Variants in RAPGEF4 observed in about 807,000 individuals in gnomAD.
The protein encoded by RAPGEF4 is Rap guanine nucleotide exchange factor 4, also known as RAP guanine-nucleotide-exchange factor (GEF) 4.
Under a neutral mutation model 147.9 loss-of-function variants are expected in RAPGEF4, and 66 were observed. The ratio of observed to expected loss-of-function variants is 0.45; its 90% CI spans 0.37 to 0.55. The LOEUF (loss-of-function observed/expected upper bound fraction) is 0.55. Among genes scored for constraint, RAPGEF4 ranks in the 20% least tolerant of loss-of-function variants. The pLI, the probability that RAPGEF4 is intolerant of heterozygous loss-of-function variation, is 0.00. For missense variants in RAPGEF4, 1,071 were observed against 1,257.3 expected (o/e 0.85, Z 2.24); for synonymous variants, 419 against 442.7 (o/e 0.95, Z 0.67).
At chr2:172,807,364 A>G (rs1687605108) in intron 3 of RAPGEF4, among the ~76,000 whole-genome samples, 1 of 152,220 alleles carries the variant, frequency 6.6e-6, no homozygotes, top group Non-Finnish European at 1.5e-5. Flanking sequence ...GGCTTGCCTG[A>G]TCTTGTTAAG....
chr2:172,785,948 C>T (rs989786539), intron 1 of RAPGEF4, among the ~76,000 whole-genome samples: 2 of 152,186 alleles, frequency 1.3e-5, no homozygotes, highest in African/African-American at 4.8e-5. Context: ...GCACTCTCCA[C>T]GGTAAAGGGT....
chr2:172,928,305 C>G (rs777309506), intron 6 of RAPGEF4: 50 of 436,170 alleles, frequency 1.1e-4, no homozygotes, highest in Non-Finnish European at 2.2e-4. Flanking sequence ...TCAACTCTTA[C>G]AAAAGCTAGC....
chr2:172,811,582 T>C (rs1370488512), intron 3 of RAPGEF4, among the ~76,000 whole-genome samples: 5 of 152,210 alleles, frequency 3.3e-5, no homozygotes, highest in African/African-American at 7.2e-5. Flanking sequence ...ATGAGCAGTA[T>C]GTATAAGCGT....
chr2:172,950,652 A>G (rs1293877097), intron 6 of RAPGEF4, among the ~76,000 whole-genome samples: 1 of 152,214 alleles, frequency 6.6e-6, no homozygotes, highest in African/African-American at 2.4e-5. Context: ...AATATTAAGT[A>G]TATTACTCAA....
chr2:172,921,084 C>T (rs2150049510), intron 5 of RAPGEF4, among the ~76,000 whole-genome samples: 1 of 152,098 alleles, frequency 6.6e-6, no homozygotes, highest in African/African-American at 2.4e-5. Flanking sequence ...CTAGGATGAG[C>T]ACTCAGGTTT....
At position 172,931,505 on chromosome 2, in the gene RAPGEF4, T is replaced by A. The variant is rs979207066; in HGVS notation, c.537+9205T>A. Among the ~76,000 whole-genome samples, 2 of 152,188 alleles carry A rather than the reference T, an allele frequency of 1.3e-5. 1 individual carries two copies. The highest frequency in any genetic ancestry group is 6.3e-3 in the Middle Eastern group (2 of 316). ...GGAAAGTCATTCATCTTACCGTCCT[T>A]ATAAACTTGGCTCAGACAGGAGAAT... On this transcript the variant is annotated intron_variant, in intron 6 of 30. Transcript: ENST00000397081.
At chr2:173,034,941 C>T (rs186291918) in intron 27 of RAPGEF4, among the ~76,000 whole-genome samples, 14 of 151,442 alleles carry the variant, frequency 9.2e-5, no homozygotes, top group African/African-American at 3.2e-4. Context: ...ACTAAGTCTA[C>T]CTTTCTTTTG....
intron 27 of RAPGEF4, 95 bp from the exon 28 acceptor site, chr2:173,036,030 C>A (rs1002171062): frequency 3.1e-5 from 28 of 915,662 alleles, no homozygotes; most frequent in Non-Finnish European, 5.0e-5. Flanking sequence ...GTCAACTGTA[C>A]CTGATTGTGG....
chr2:172,758,986 C>T (rs1288921910), intron 1 of RAPGEF4, among the ~76,000 whole-genome samples: 1 of 152,102 alleles, frequency 6.6e-6, no homozygotes, highest in Non-Finnish European at 1.5e-5. Flanking sequence ...GCAAAAGAAG[C>T]TGCATGGGAT....
At chr2:172,819,458 G>GTTTTTTT (rs1553514342) in intron 4 of RAPGEF4, among the ~76,000 whole-genome samples, 14 of 79,678 alleles carry the variant, frequency 1.8e-4, no homozygotes, top group African/African-American at 4.4e-4. Flanking sequence ...ACCATTTTTA[G>GTTTTTTT]TTCTTTTTTT....
At chr2:172,900,390 C>G (rs1420401953) in intron 4 of RAPGEF4, among the ~76,000 whole-genome samples, 1 of 152,146 alleles carries the variant, frequency 6.6e-6, no homozygotes, top group Non-Finnish European at 1.5e-5. Context: ...CAGGCATGTG[C>G]TACCACACTT....
chr2:172,963,923 G>A lies in RAPGEF4; in HGVS notation c.699-1639G>A, dbSNP rs574246282. Among the ~76,000 whole-genome samples, 13 of 152,300 alleles carry A rather than the reference G, an allele frequency of 8.5e-5. No homozygotes were observed. The South Asian group carries it at 2.5e-3, about 29-fold the overall frequency. Reference sequence around the variant, plus strand: ...AAGGATACCTGTGATTCCATCAGCTGCAAGTAGCACAACTGTGTGTCTTTG... The same window carrying A: ...AAGGATACCTGTGATTCCATCAGCTACAAGTAGCACAACTGTGTGTCTTTG... On this transcript the variant is annotated intron_variant, in intron 8 of 30. Coordinates refer to ENST00000397081, the MANE Select transcript of RAPGEF4 (RefSeq NM_007023.4).
At chr2:172,739,920 G>A (rs1225548270) in intron 1 of RAPGEF4, among the ~76,000 whole-genome samples, 1 of 152,162 alleles carries the variant, frequency 6.6e-6, no homozygotes, top group Non-Finnish European at 1.5e-5. Context: ...GGCTAAGAAT[G>A]GTTTTCACAT....
chr2:172,756,163 G>A lies in RAPGEF4; in HGVS notation c.65+20115G>A, dbSNP rs369760930. Among the ~76,000 whole-genome samples the A allele has an allele frequency of 4.5e-4, 69 of 152,242 alleles. 3 individuals carry two copies. In the South Asian group the frequency reaches 0.014, roughly 32 times the overall value. ...CATAACTGATTAAGGTTCAAATATT[G>A]TTTCGTAGATAGTATTTACTAGGAC... is the stretch of plus-strand genomic sequence containing the variant. On this transcript the variant is annotated intron_variant, in intron 1 of 30. Transcript: ENST00000397081.
chr2:173,048,650 C>T lies in RAPGEF4; in HGVS notation c.2904C>T (p.Pro968=), dbSNP rs755257817. 26 of 1,614,090 alleles carry T rather than the reference C, an allele frequency of 1.6e-5. No homozygotes were observed. Among genetic ancestry groups the T allele is most frequent in the Non-Finnish European group, 2.2e-5 (26 of 1,180,014 alleles). Residue 968 remains proline (P), a synonymous_variant, in exon 30 of 31, where the codon CCC becomes CCT. Coordinates refer to ENST00000397081, the MANE Select transcript of RAPGEF4 (RefSeq NM_007023.4). ...ARTVRYYRSQ[P]FNPDAAQANK... ...CAGTGAGATACTACAGGAGCCAACCCTTCAGTAAGTTAAGTGCTGCCACCT... is the reference window on the plus strand; with the variant it reads ...CAGTGAGATACTACAGGAGCCAACCTTTCAGTAAGTTAAGTGCTGCCACCT...
intron 4 of RAPGEF4, among the ~76,000 whole-genome samples, chr2:172,838,928 A>G (rs963424463): frequency 1.3e-5 from 2 of 152,102 alleles, no homozygotes; most frequent in East Asian, 3.8e-4. Flanking sequence ...GCACAAATTA[A>G]TTTAGCTAGT....
At chr2:172,831,424 A>G (rs1690338226) in intron 4 of RAPGEF4, among the ~76,000 whole-genome samples, 1 of 151,722 alleles carries the variant, frequency 6.6e-6, no homozygotes, top group Admixed American at 6.6e-5. Flanking sequence ...GCCTGCCACC[A>G]TGCCCGGCTA....
chr2:172,966,562 A>AG (rs1403086037), intron 9 of RAPGEF4, among the ~76,000 whole-genome samples: 5 of 152,184 alleles, frequency 3.3e-5, no homozygotes, highest in Admixed American at 3.3e-4. Flanking sequence ...CATCCTGAAA[A>AG]GGGGCTCAAG....
At position 172,781,741 on chromosome 2, in the gene RAPGEF4, T is replaced by TAC. The variant is rs200258797; in HGVS notation, c.66-13272_66-13271dup. On this transcript the variant is annotated intron_variant, in intron 1 of 30. Coordinates refer to ENST00000397081, the MANE Select transcript of RAPGEF4 (RefSeq NM_007023.4). ...ATTTGTGTTACATAACCTACCTACC[T>TAC]ACACACACACACAACCTAATACAAC... Among the ~76,000 whole-genome samples, 155 of 152,050 alleles carry TAC rather than the reference T, an allele frequency of 1.0e-3. 2 individuals are homozygous for TAC. The highest frequency in any genetic ancestry group is 1.7e-3 in the Non-Finnish European group (117 of 67,960).
Sources: allele counts gnomAD v4.1 joint callset (sites outside exome capture counted in the v4.1 genomes callset), GRCh38; gene constraint gnomAD v4.1.1; transcripts MANE v1.5; gene names NCBI Gene and HGNC (gene_info 2026-07-23, HGNC 2026-07-21).